Variants in WSCD2 observed in about 807,000 individuals in gnomAD.
WSCD2 encodes the protein sialate:O-sulfotransferase 2.
WSCD2 carries 28 observed loss-of-function variants against 55.7 expected under a neutral mutation model. That is an observed-to-expected ratio of 0.50 (90% CI 0.37 to 0.69). The LOEUF is 0.69. WSCD2 is among the 30% of genes least tolerant of loss of function. The pLI, the probability that WSCD2 is intolerant of heterozygous loss-of-function variation, is 0.00. For missense variants in WSCD2, 616 were observed against 762.1 expected (o/e 0.81, Z 2.26); for synonymous variants, 301 against 301.9 (o/e 1.00, Z 0.03).
At chr12:108,163,853 GT>G in intron 1 of WSCD2, among the ~76,000 whole-genome samples, 1 of 152,180 alleles carries the variant, frequency 6.6e-6, no homozygotes, top group East Asian at 1.9e-4. Flanking sequence ...ATGAACTTAT[GT>G]TTTTTTAAGC....
At chr12:108,243,886 T>C (rs921812329) in intron 8 of WSCD2, among the ~76,000 whole-genome samples, 8 of 152,104 alleles carry the variant, frequency 5.3e-5, no homozygotes, top group African/African-American at 1.9e-4. Flanking sequence ...CAATTACAGC[T>C]CAGTCCAGAC....
At chr12:108,233,082 C>CTT (rs1367262131) in intron 7 of WSCD2, 187 bp downstream of exon 7, 15 of 702,410 alleles carry the variant, frequency 2.1e-5, no homozygotes, top group South Asian at 4.1e-5. Flanking sequence ...ACAAACATTT[C>CTT]TTAAGTCATG....
At chr12:108,220,126 T>A (rs10778617) in intron 4 of WSCD2, among the ~76,000 whole-genome samples, 101,451 of 152,028 alleles carry the variant, frequency 0.67, 34,271 homozygotes, top group East Asian at 0.71. Context: ...AACTTGGAGT[T>A]CAGACATTCC....
intron 4 of WSCD2, 63 bp from the exon 5 acceptor site, chr12:108,224,676 G>A (rs756874391): frequency 1.4e-5 from 22 of 1,561,554 alleles, no homozygotes; most frequent in Non-Finnish European, 1.9e-5. Context: ...TCAGAATGTG[G>A]TTTTCCCAAC....
At chr12:108,145,748 T>C (rs1289338357) in intron 1 of WSCD2, among the ~76,000 whole-genome samples, 1 of 152,090 alleles carries the variant, frequency 6.6e-6, no homozygotes, top group Non-Finnish European at 1.5e-5. Flanking sequence ...AATAGATAAG[T>C]AAAATAAGGT....
In WSCD2 at chr12:108,145,382, C is replaced by T. The variant is rs7962245; in HGVS notation, c.-552+15456C>T. 2.8e-3 allele frequency among the ~76,000 whole-genome samples: 425 copies of T among 152,308 alleles called. 2 individuals are homozygous for T. The highest frequency in any genetic ancestry group is 9.9e-3 in the African/African-American group (413 of 41,570). On this transcript the variant is annotated intron_variant, in intron 1 of 8. Coordinates refer to ENST00000547525, the MANE Select transcript of WSCD2 (RefSeq NM_014653.4). ...TGTTGATCTAACCAACCTGCAACCC[C>T]TCTACCGGACTGTCTGCTTTTGGGG...
intron 1 of WSCD2, among the ~76,000 whole-genome samples, chr12:108,162,919 G>A (rs182292508): frequency 1.1e-4 from 17 of 152,300 alleles, no homozygotes; most frequent in Non-Finnish European, 1.9e-4. Context: ...CCTGCATCTT[G>A]TGCCAGCCTC....
intron 5 of WSCD2, among the ~76,000 whole-genome samples, chr12:108,226,172 T>A (rs1888062178): frequency 6.6e-6 from 1 of 152,078 alleles, no homozygotes; most frequent in Non-Finnish European, 1.5e-5. Context: ...GACCCTGGTT[T>A]GCTACCAGAT....
In WSCD2 at chr12:108,232,859, G is replaced by A; in HGVS notation, c.1108G>A (p.Gly370Ser). Residue 370 changes from glycine to serine, a missense_variant, in exon 7 of 9, where the codon GGC (glycine) becomes AGC (serine). Coordinates refer to ENST00000547525, the MANE Select transcript of WSCD2 (RefSeq NM_014653.4). ...TGAATTGGCCACAGGCTTCTACACT[G>A]GCAGCTACTACTTCGATGGCTCCCT... ...LIELATGFYT[G>S]SYYFDGSLYN... 1.2e-6 allele frequency: 2 copies of A among 1,613,776 alleles called. No homozygotes were observed. The highest frequency in any genetic ancestry group is 1.7e-6 in the Non-Finnish European group (2 of 1,179,748).
chr12:108,156,391 T>C (rs1039044305), intron 1 of WSCD2, among the ~76,000 whole-genome samples: 6 of 152,220 alleles, frequency 3.9e-5, no homozygotes, highest in Admixed American at 1.3e-4. Flanking sequence ...TAGTAGCAGT[T>C]ATAACTTTCT....
At chr12:108,177,968 A>G (rs747584134) in intron 1 of WSCD2, among the ~76,000 whole-genome samples, 1 of 152,094 alleles carries the variant, frequency 6.6e-6, no homozygotes, top group African/African-American at 2.4e-5. Context: ...CATGCCACAT[A>G]TGAATTCTCT....
At chr12:108,190,670 A>T (rs142721288) in intron 1 of WSCD2, among the ~76,000 whole-genome samples, 42 of 152,304 alleles carry the variant, frequency 2.8e-4, no homozygotes, top group African/African-American at 1.0e-3. Context: ...GGTGCTAAAA[A>T]TAGTCTGTGT....
In WSCD2 at chr12:108,166,737, T is replaced by TTTCC. The variant is rs1230147064; in HGVS notation, c.-551-28542_-551-28541insCTTC. Among the ~76,000 whole-genome samples, 421 of 64,696 alleles carry TTTCC rather than the reference T, an allele frequency of 6.5e-3. 7 individuals are homozygous for TTTCC. Among genetic ancestry groups the TTTCC allele is most frequent in the Non-Finnish European group, 0.011 (297 of 26,122 alleles). The allele number at this position is 64,696 out of a possible 152,430, so 42.4% of individuals were successfully genotyped here. On this transcript the variant is annotated intron_variant, in intron 1 of 8. Coordinates refer to ENST00000547525, the MANE Select transcript of WSCD2 (RefSeq NM_014653.4). ...TTCCCTCCTTCTTTCTCTTTCTTTC[T>TTTCC]TTCTTTCCTTCTTTCTTTCTTTCTT...
intron 1 of WSCD2, among the ~76,000 whole-genome samples, chr12:108,140,492 C>T (rs1282531456): frequency 3.9e-5 from 6 of 152,138 alleles, no homozygotes; most frequent in Admixed American, 2.6e-4. Context: ...ATAGCTTTTA[C>T]GGCAACCTGC....
At chr12:108,181,474 C>G (rs1178815688) in intron 1 of WSCD2, among the ~76,000 whole-genome samples, 3 of 152,232 alleles carry the variant, frequency 2.0e-5, no homozygotes, top group African/African-American at 7.2e-5. Context: ...GCCCTCTGGC[C>G]TGGGATAAGA....
chr12:108,201,519 T>TGGGGGGGGGGGG (rs34937873), intron 2 of WSCD2, among the ~76,000 whole-genome samples: 2 of 128,042 alleles, frequency 1.6e-5, no homozygotes, highest in African/African-American at 3.0e-5. Flanking sequence ...GGGGTGTGGG[T>TGGGGGGGGGGGG]GGGGGGCGGG....
chr12:108,218,818 A>C (rs1284347106), intron 4 of WSCD2, among the ~76,000 whole-genome samples: 1 of 152,174 alleles, frequency 6.6e-6, no homozygotes, highest in Non-Finnish European at 1.5e-5. Context: ...AGACACCAGC[A>C]GTGTCCCTGG....
At chr12:108,140,531 A>C (rs972766461) in intron 1 of WSCD2, among the ~76,000 whole-genome samples, 1 of 152,156 alleles carries the variant, frequency 6.6e-6, no homozygotes, top group Non-Finnish European at 1.5e-5. Context: ...GATTTTGGGC[A>C]CTGGCTGATC....
intron 1 of WSCD2, among the ~76,000 whole-genome samples, chr12:108,185,827 A>G (rs1302806361): frequency 6.6e-6 from 1 of 152,156 alleles, no homozygotes; most frequent in African/African-American, 2.4e-5. Flanking sequence ...AAGGAACTCT[A>G]TGCAAATGTG....
Sources: gnomAD v4.1 joint callset for allele counts (sites outside exome capture counted in the v4.1 genomes callset) on GRCh38, gnomAD v4.1.1 for gene constraint, MANE v1.5 for transcripts, NCBI Gene and HGNC (gene_info 2026-07-23, HGNC 2026-07-21) for gene names.